Variants in CECR2 observed in about 807,000 individuals in gnomAD.
CECR2 encodes CECR2 histone acetyl-lysine reader.
CECR2 carries 30 observed loss-of-function variants against 154.5 expected under a neutral mutation model. That is an observed-to-expected ratio of 0.19 (90% CI 0.15 to 0.26). The LOEUF (loss-of-function observed/expected upper bound fraction) is 0.26, where lower values mean the gene tolerates loss of function less well. CECR2 is among the 10% of genes least tolerant of loss of function. CECR2 has a pLI of 1.00. For synonymous variants in CECR2, 725 were observed against 683.7 expected (o/e 1.06, Z -0.94); for missense variants, 1,743 against 1,829.3 (o/e 0.95, Z 0.86).
At chr22:17,373,794 C>G (rs1298680293) in intron 1 of CECR2, among the ~76,000 whole-genome samples, 3 of 152,196 alleles carry the variant, frequency 2.0e-5, no homozygotes, top group Non-Finnish European at 4.4e-5. Flanking sequence ...GAAGCTCTTA[C>G]CTGGCCTCCT....
At chr22:17,546,099 AT>A (rs1218796520) in intron 16 of CECR2, among the ~76,000 whole-genome samples, 1 of 152,020 alleles carries the variant, frequency 6.6e-6, no homozygotes, top group Non-Finnish European at 1.5e-5. Context: ...ACCTTTTAGT[AT>A]TTCTTTTGTG....
At chr22:17,496,829 C>A (rs2146867993) in intron 2 of CECR2, among the ~76,000 whole-genome samples, 1 of 152,306 alleles carries the variant, frequency 6.6e-6, no homozygotes, top group South Asian at 2.1e-4. Flanking sequence ...TGCTTTTACC[C>A]ATTCCACCAG....
Position 17,542,671 on chromosome 22 carries a change from C to A in CECR2, c.2528C>A (p.Pro843His), listed in dbSNP as rs751199504. Residue 843 changes from proline (P) to histidine (H), a missense_variant, in exon 16 of 19, where the codon CCC (proline) becomes CAC (histidine). By Grantham distance (77) the Pro-to-His change is moderately conservative. Transcript: ENST00000262608. ...CCTTCCTCAGGGTACATGCGACCGC[C>A]CTGCAAGTCTGCCGGACATCGGTTA... Reference protein sequence around the residue: ...GVPSSGYMRPPCKSAGHRLQP... With the variant: ...GVPSSGYMRPHCKSAGHRLQP... 1.9e-6 allele frequency: 3 copies of A among 1,613,912 alleles called. No individual in the cohort carries two copies. In the African/African-American group the frequency reaches 4.0e-5, roughly 22 times the overall value.
chr22:17,542,213 G>T lies in CECR2; in HGVS notation c.2070G>T (p.Lys690Asn), dbSNP rs370552803. The change falls in exon 16 of 19, where the codon AAG becomes AAT. Residue 690 changes from lysine to asparagine, a missense_variant. Physicochemically the swap from Lys to Asn is moderately conservative, Grantham distance 94 (BLOSUM62 0). This residue lies in a region of CECR2 where 1,250 missense variants were observed against 1,192.1 expected (regional missense o/e 1.05). Transcript: ENST00000262608. The stretch of plus-strand genomic sequence containing the variant: ...CCAGGCTAGGCACACCAGAGGAGAA[G>T]CAAATGTGCGGGGGGCTGACACACC... ...RGPRLGTPEE[K>N]QMCGGLTHLS... The T allele has an allele frequency of 1.6e-5, 25 of 1,612,708 alleles. No individual in the cohort carries two copies. The highest frequency in any genetic ancestry group is 2.0e-5 in the Non-Finnish European group (24 of 1,179,286).
In CECR2 at chr22:17,465,596, T is replaced by TAA. The variant is rs2055018130; in HGVS notation, c.127-11992_127-11991insAA. On this transcript the variant is annotated intron_variant, in intron 1 of 18. Transcript: ENST00000262608. ...ACCTCCTGGGTTCAAACGATTCTCC[T>TAA]GGCTCAACCTCCTGAGTAGCTGGGA... 2.0e-5 allele frequency among the ~76,000 whole-genome samples: 3 copies of TAA among 152,240 alleles called. No homozygotes were observed. The South Asian group carries it at 6.2e-4, about 32-fold the overall frequency.
At chr22:17,449,893 A>C (rs2054741897) in intron 1 of CECR2, among the ~76,000 whole-genome samples, 1 of 152,330 alleles carries the variant, frequency 6.6e-6, no homozygotes, top group Non-Finnish European at 1.5e-5. Context: ...CAGTCACTCC[A>C]GTCTAGGCCC....
At chr22:17,490,191 G>A (rs1421983641) in intron 2 of CECR2, among the ~76,000 whole-genome samples, 1 of 151,382 alleles carries the variant, frequency 6.6e-6, no homozygotes, top group Non-Finnish European at 1.5e-5. Flanking sequence ...TGAGAAGCCA[G>A]TATTAAAATC....
chr22:17,504,436 T>C (rs1294686346), intron 6 of CECR2, among the ~76,000 whole-genome samples: 1 of 114,436 alleles, frequency 8.7e-6, no homozygotes, highest in Admixed American at 9.2e-5. Context: ...TTTTTTTATT[T>C]TTATTTATTT....
At chr22:17,521,251 A>G (rs174310) in intron 8 of CECR2, among the ~76,000 whole-genome samples, 70,515 of 152,018 alleles carry the variant, frequency 0.46, 17,129 homozygotes, top group African/African-American at 0.6. Context: ...TTTGAGAAGC[A>G]TCTGTTCGGC....
chr22:17,463,574 T>G (rs753510157), intron 1 of CECR2, among the ~76,000 whole-genome samples: 1 of 152,056 alleles, frequency 6.6e-6, no homozygotes, highest in Non-Finnish European at 1.5e-5. Context: ...ATGCCTCAAT[T>G]TTTTGCTGGA....
intron 7 of CECR2, among the ~76,000 whole-genome samples, chr22:17,508,239 AGCCTGAATGCATTGTGTTT>A (rs998301735): frequency 6.6e-6 from 1 of 150,658 alleles, no homozygotes; most frequent in African/African-American, 2.5e-5. Flanking sequence ...AATTGAGTGC[AGCCTGAATGCATTGTGTTT>A]ACAAGGTCTA....
At chr22:17,402,886 T>C (rs2053918800) in intron 1 of CECR2, among the ~76,000 whole-genome samples, 2 of 151,762 alleles carry the variant, frequency 1.3e-5, no homozygotes, top group Admixed American at 6.6e-5. Flanking sequence ...GCCTCCTGAG[T>C]GGCTGGGATT....
At chr22:17,524,392 T>A in intron 9 of CECR2, 121 bp downstream of exon 9, 9 of 983,292 alleles carry the variant, frequency 9.2e-6, no homozygotes, top group Admixed American at 3.4e-5. Flanking sequence ...AATTTCTTTT[T>A]TTTTTTTTTT....
In CECR2 at chr22:17,548,373, G is replaced by A. The variant is rs1433548543; in HGVS notation, c.3086G>A (p.Ser1029Asn). Residue 1029 changes from serine to asparagine, a missense_variant, in exon 17 of 19, where the codon AGC becomes AAC. Physicochemically the swap from Ser to Asn is conservative, Grantham distance 46. Transcript: ENST00000262608. ...GGCAAGAATCCCTGGCCCTCGGATA[G>A]CAGCTACCCCGGCCCAGCCGCCCAA... ...MKGKNPWPSD[S>N]SYPGPAAQGC... The A allele has an allele frequency of 1.9e-6, 3 of 1,613,110 alleles. No homozygotes were observed. Among genetic ancestry groups the A allele is most frequent in the Non-Finnish European group, 2.5e-6 (3 of 1,179,498 alleles).
Position 17,392,640 on chromosome 22 carries a change from C to T in CECR2, c.126+22731C>T, listed in dbSNP as rs529328918. 2.6e-5 allele frequency among the ~76,000 whole-genome samples: 4 copies of T among 152,116 alleles called. No individual in the cohort carries two copies. The East Asian group carries it at 7.7e-4, about 29-fold the overall frequency. On this transcript the variant is annotated intron_variant, in intron 1 of 18. Transcript: ENST00000262608. ...GAGGTTGCAGTGAGCCGAAATTATA[C>T]CACTGCACTCCAGCCTGAGTGACAG...
intron 1 of CECR2, among the ~76,000 whole-genome samples, chr22:17,463,313 A>T (rs73876450): frequency 0.021 from 3,225 of 152,242 alleles, 98 homozygotes; most frequent in African/African-American, 0.072. Context: ...ATTTAGTTCT[A>T]AAGGAGACAT....
chr22:17,421,470 T>C (rs992699381), intron 1 of CECR2, among the ~76,000 whole-genome samples: 13 of 151,808 alleles, frequency 8.6e-5, no homozygotes, highest in East Asian at 7.7e-4. Flanking sequence ...AAAAAATTAG[T>C]CGGGTGTAGT....
intron 1 of CECR2, among the ~76,000 whole-genome samples, chr22:17,399,675 T>C (rs1347411876): frequency 6.6e-6 from 1 of 152,152 alleles, no homozygotes; most frequent in Non-Finnish European, 1.5e-5. Flanking sequence ...CCCAAAGTGC[T>C]GGGATTACAG....
intron 1 of CECR2, among the ~76,000 whole-genome samples, chr22:17,430,521 C>G (rs1040487164): frequency 2.0e-5 from 3 of 152,304 alleles, no homozygotes; most frequent in South Asian, 4.1e-4. Flanking sequence ...CACCACACAC[C>G]CCAGTGCTCC....
Sources: allele counts gnomAD v4.1 joint callset (sites outside exome capture counted in the v4.1 genomes callset), GRCh38; gene constraint gnomAD v4.1.1; regional missense constraint gnomAD v4.1.1; transcripts MANE v1.5; gene names NCBI Gene and HGNC (gene_info 2026-07-23, HGNC 2026-07-21).